DOCK2: variants seen among roughly 807,000 people sequenced by gnomAD.
DOCK2 encodes the protein dedicator of cytokinesis 2.
Under a neutral mutation model 248.9 loss-of-function variants are expected in DOCK2, and 87 were observed. That is an observed-to-expected ratio of 0.35 (90% confidence interval 0.29 to 0.42). DOCK2 has a LOEUF of 0.42. Among genes scored for constraint, DOCK2 ranks in the 10% least tolerant of loss-of-function variants. The probability of loss-of-function intolerance (pLI) is 1.00; values close to 1 mark genes in which losing one functional copy is unlikely to be tolerated. For missense variants in DOCK2, 1,747 were observed against 2,300.2 expected (o/e 0.76, Z 4.92); for synonymous variants, 805 against 821.6 (o/e 0.98, Z 0.35).
chr5:169,991,276 A>G (rs182120679), intron 29 of DOCK2, among the ~76,000 whole-genome samples: 1 of 152,360 alleles, frequency 6.6e-6, no homozygotes, highest in East Asian at 1.9e-4. Context: ...CATGAAGAGA[A>G]GTAGGAAACT....
At chr5:169,949,909 C>T (rs1001647972) in intron 27 of DOCK2, among the ~76,000 whole-genome samples, 2 of 151,998 alleles carry the variant, frequency 1.3e-5, no homozygotes, top group African/African-American at 2.4e-5. Context: ...GTTAGTAACT[C>T]TTCTTTCTCG....
At chr5:170,020,327 A>T (rs567043144) in intron 33 of DOCK2, among the ~76,000 whole-genome samples, 1 of 152,270 alleles carries the variant, frequency 6.6e-6, no homozygotes, top group African/African-American at 2.4e-5. Context: ...TCCAAATGCC[A>T]TGTCACCTAG....
At chr5:169,860,619 A>T (rs544806791) in intron 27 of DOCK2, among the ~76,000 whole-genome samples, 2 of 152,336 alleles carry the variant, frequency 1.3e-5, no homozygotes, top group Middle Eastern at 3.4e-3. Context: ...GATGTTTCCC[A>T]AAGTGGGAGA....
intron 44 of DOCK2, among the ~76,000 whole-genome samples, chr5:170,061,194 C>T (rs1466635493): frequency 3.9e-5 from 6 of 152,130 alleles, no homozygotes; most frequent in Non-Finnish European, 8.8e-5. Flanking sequence ...GCAAGCCTGG[C>T]AAGAGTTACT....
chr5:169,645,277 C>T (rs1033917025), intron 1 of DOCK2, among the ~76,000 whole-genome samples: 4 of 152,198 alleles, frequency 2.6e-5, no homozygotes, highest in Admixed American at 6.5e-5. Context: ...TCTTATTTCT[C>T]CACAGCCTCA....
At chr5:170,026,984 G>A (rs1008832943) in intron 33 of DOCK2, among the ~76,000 whole-genome samples, 1 of 152,130 alleles carries the variant, frequency 6.6e-6, no homozygotes, top group Non-Finnish European at 1.5e-5. Flanking sequence ...ATATGAATGG[G>A]AAAGTGTCAG....
intron 27 of DOCK2, among the ~76,000 whole-genome samples, chr5:169,879,073 G>T (rs1284647084): frequency 6.6e-6 from 1 of 152,166 alleles, no homozygotes; most frequent in Admixed American, 6.5e-5. Context: ...AGAGCAAGCA[G>T]CATAGCCATA....
chr5:169,989,600 T>G (rs1347507937), intron 29 of DOCK2, among the ~76,000 whole-genome samples: 1 of 152,224 alleles, frequency 6.6e-6, no homozygotes, highest in African/African-American at 2.4e-5. Flanking sequence ...AAGCTGCAGT[T>G]GCTGTCATGA....
chr5:169,825,370 CA>C (rs1395822316), intron 26 of DOCK2, among the ~76,000 whole-genome samples: 2 of 151,956 alleles, frequency 1.3e-5, no homozygotes, highest in Non-Finnish European at 2.9e-5. Context: ...GGAACCAACC[CA>C]AATATCCAAC....
intron 25 of DOCK2, among the ~76,000 whole-genome samples, chr5:169,771,162 A>G (rs982524200): frequency 6.6e-6 from 1 of 152,350 alleles, no homozygotes; most frequent in East Asian, 1.9e-4. Context: ...CTTAGACTAC[A>G]TCATCACTGT....
At chr5:169,882,461 T>C in intron 27 of DOCK2, 1 of 1,113,058 alleles carries the variant, frequency 9.0e-7, no homozygotes, top group Non-Finnish European at 1.3e-6. Context: ...TTTGGAGACA[T>C]TTTTACTAAA....
intron 11 of DOCK2, among the ~76,000 whole-genome samples, chr5:169,698,904 A>G (rs993000293): frequency 1.3e-5 from 2 of 152,182 alleles, no homozygotes; most frequent in Admixed American, 1.3e-4. Flanking sequence ...AGACGTATCC[A>G]TGACTTAGGA....
At chr5:169,666,969 C>A (rs975710618) in intron 2 of DOCK2, among the ~76,000 whole-genome samples, 31 of 152,200 alleles carry the variant, frequency 2.0e-4, no homozygotes, top group African/African-American at 6.5e-4. Flanking sequence ...TCAGCAGAAT[C>A]CTGTCGTCAG....
intron 15 of DOCK2, among the ~76,000 whole-genome samples, chr5:169,710,042 T>C (rs555999391): frequency 6.6e-6 from 1 of 152,372 alleles, no homozygotes; most frequent in South Asian, 2.1e-4. Context: ...GAACAACATA[T>C]GAGAATATAT....
chr5:169,943,760 T>C (rs1776334095), intron 27 of DOCK2, among the ~76,000 whole-genome samples: 1 of 152,194 alleles, frequency 6.6e-6, no homozygotes, highest in Non-Finnish European at 1.5e-5. Flanking sequence ...CCAGGCCTAC[T>C]GATTCAGAAC....
intron 27 of DOCK2, among the ~76,000 whole-genome samples, chr5:169,904,954 C>T (rs1774189973): frequency 6.6e-6 from 1 of 152,166 alleles, no homozygotes; most frequent in Admixed American, 6.5e-5. Flanking sequence ...CCAGCTCTGC[C>T]ACTCCCTAGC....
Position 170,075,998 on chromosome 5 carries a change from A to G in DOCK2, c.4780A>G (p.Asn1594Asp). The G allele has an allele frequency of 6.2e-7, 1 of 1,614,186 alleles. No homozygotes were observed. Among genetic ancestry groups the G allele is most frequent in the African/African-American group, 1.3e-5 (1 of 75,052 alleles). The change falls in exon 47 of 52, where the codon AAC becomes GAC. Residue 1594 changes from asparagine to aspartate, a missense_variant. Coordinates refer to ENST00000520908, the MANE Select transcript of DOCK2 (RefSeq NM_004946.3). ...GATCCATGAGAAAAGGGTGTCAGAT[A>G]ACTTGCGACCCTTCCATGACCGGAT... ...IKIHEKRVSDNLRPFHDRMEE... is the reference protein window; with the variant it reads ...IKIHEKRVSDDLRPFHDRMEE...
At chr5:170,012,903 T>C (rs930672689) in intron 32 of DOCK2, among the ~76,000 whole-genome samples, 7 of 150,820 alleles carry the variant, frequency 4.6e-5, no homozygotes, top group Non-Finnish European at 1.0e-4. Context: ...TGTAGGGAGG[T>C]TGGCCTGGCC....
intron 27 of DOCK2, among the ~76,000 whole-genome samples, chr5:169,954,630 G>T (rs1776791450): frequency 6.6e-6 from 1 of 152,236 alleles, no homozygotes; most frequent in Non-Finnish European, 1.5e-5. Flanking sequence ...CCAAGGAGGG[G>T]AGTGACTTGC....
Sources: allele counts gnomAD v4.1 joint callset (sites outside exome capture counted in the v4.1 genomes callset), GRCh38; gene constraint gnomAD v4.1.1; transcripts MANE v1.5; gene names NCBI Gene and HGNC (gene_info 2026-07-23, HGNC 2026-07-21).